The following UTS2 variants were observed in gnomAD, a reference collection of about 807,000 sequenced individuals.
The protein encoded by UTS2 is urotensin-2.
UTS2 carries 10 observed loss-of-function variants against 12.6 expected under a neutral mutation model. That is an observed-to-expected ratio of 0.80 (90% confidence interval 0.49 to 1.35). The LOEUF is 1.35. Ranked by LOEUF, UTS2 falls within the 40% of genes most tolerant of loss-of-function variation. The pLI is 0.00. For synonymous variants in UTS2, 52 were observed against 50.0 expected, an observed-to-expected ratio of 1.04 and a Z score of -0.17; for missense variants, 142 against 143.2, an observed-to-expected ratio of 0.99 and a Z score of 0.04.
At chr1:7,877,072 T>A in the UTS2 span, among the ~76,000 whole-genome samples, 1,475 of 140,562 alleles carry the variant, frequency 0.01, 25 homozygotes, top group African/African-American at 0.036. Flanking sequence ...AGGGTTGCTG[T>A]GAGCTGAGAT....
chr1:7,859,678 A>G, the UTS2 span, among the ~76,000 whole-genome samples: 1 of 152,206 alleles, frequency 6.6e-6, no homozygotes, highest in Non-Finnish European at 1.5e-5. Context: ...ACGTGACCAT[A>G]TCGAGGAATT....
At chr1:7,905,562 G>C in the UTS2 span, among the ~76,000 whole-genome samples, 1 of 152,116 alleles carries the variant, frequency 6.6e-6, no homozygotes, top group East Asian at 1.9e-4. Context: ...GAATAAAGCA[G>C]ATGGCCCTCC....
At chr1:7,903,315 C>G in the UTS2 span, among the ~76,000 whole-genome samples, 2 of 24,540 alleles carry the variant, frequency 8.1e-5, no homozygotes, top group Non-Finnish European at 1.6e-4. Flanking sequence ...TCCTTCCCCT[C>G]CTTCTCCTGC....
the UTS2 span, among the ~76,000 whole-genome samples, chr1:7,907,178 CCTGGG>C: frequency 6.6e-6 from 1 of 152,118 alleles, no homozygotes; most frequent in East Asian, 1.9e-4. Flanking sequence ...ATTGCTTGAA[CCTGGG>C]AGGTGGAGAC....
the UTS2 span, among the ~76,000 whole-genome samples, chr1:7,866,798 C>T: frequency 6.6e-6 from 1 of 152,136 alleles, no homozygotes; most frequent in Non-Finnish European, 1.5e-5. This position sits in a 1 kb window ranked among gnomAD's most constrained non-coding sequence, Gnocchi z 4.5. Flanking sequence ...CATTTCATCC[C>T]CAGGGCTGAC....
chr1:7,875,011 T>C, the UTS2 span, among the ~76,000 whole-genome samples: 2 of 152,158 alleles, frequency 1.3e-5, no homozygotes, highest in Non-Finnish European at 2.9e-5. Flanking sequence ...TTAAACTTCT[T>C]TCTTTTGTAA....
At chr1:7,860,729 C>T in the UTS2 span, among the ~76,000 whole-genome samples, 1 of 151,784 alleles carries the variant, frequency 6.6e-6, no homozygotes, top group Non-Finnish European at 1.5e-5. Context: ...CCACCATGGT[C>T]GGACTAAATT....
At chr1:7,861,314 G>A in the UTS2 span, among the ~76,000 whole-genome samples, 1 of 152,152 alleles carries the variant, frequency 6.6e-6, no homozygotes, top group Non-Finnish European at 1.5e-5. Context: ...CCCTGGGAGA[G>A]AGGTCAAGAA....
chr1:7,876,212 G>T, the UTS2 span, among the ~76,000 whole-genome samples: 96,948 of 151,902 alleles, frequency 0.64, 31,158 homozygotes, highest in East Asian at 0.74. Context: ...GTCTGGGCCC[G>T]GGGGATCAAC....
chr1:7,878,351 A>T, the UTS2 span, among the ~76,000 whole-genome samples: 1 of 152,232 alleles, frequency 6.6e-6, no homozygotes, highest in Non-Finnish European at 1.5e-5. Flanking sequence ...TATAAAACTC[A>T]CTGGTAGAGC....
rs150335452 is a variant in UTS2, at chr1:7,852,553, C to T, written c.103+348G>A. Among the ~76,000 whole-genome samples, 589 of 152,136 alleles carry T rather than the reference C, an allele frequency of 3.9e-3. 8 individuals carry two copies. The highest frequency in any genetic ancestry group is 0.014 in the African/African-American group (567 of 41,538). On this transcript the variant is annotated intron_variant, in intron 1 of 3. Coordinates refer to ENST00000361696, the MANE Select transcript of UTS2 (RefSeq NM_006786.4). ...TTAGAACAACCAGTGCTACATTCAA[C>T]CAGTTCATTTAAAGTAAAAACTAAA...
chr1:7,907,527 T>C, the UTS2 span, among the ~76,000 whole-genome samples: 2 of 151,670 alleles, frequency 1.3e-5, no homozygotes, highest in Non-Finnish European at 2.9e-5. Context: ...ATTTAAAAAT[T>C]AGAAGTCGTA....
chr1:7,862,720 G>A, the UTS2 span, among the ~76,000 whole-genome samples: 157 of 152,140 alleles, frequency 1.0e-3, no homozygotes, highest in African/African-American at 3.6e-3. Flanking sequence ...TGAATGCCCC[G>A]CACCCCAGGG....
In UTS2 at chr1:7,849,682, G is replaced by T; in HGVS notation, c.216C>A (p.Asp72Glu). ...TTGGGTTAAAAATGTTGGTACTTGA[G>T]TCTGAAAAACAGTTTTGAAGCCAGT... ...AERGDILRKA[D>E]SSTNIFNPRG... Residue 72 changes from aspartate (D) to glutamate (E), a missense_variant and splice_region_variant, in exon 3 of 4, where the codon GAC (aspartate) becomes GAA (glutamate). Asp to Glu is a conservative substitution (Grantham distance 45, BLOSUM62 2). Transcript: ENST00000361696. 1 of 1,608,988 alleles carries T rather than the reference G, an allele frequency of 6.2e-7. No homozygotes were observed. Among genetic ancestry groups the T allele is most frequent in the Admixed American group, 1.7e-5 (1 of 57,782 alleles).
chr1:7,898,962 G>C, the UTS2 span, among the ~76,000 whole-genome samples: 1 of 152,116 alleles, frequency 6.6e-6, no homozygotes, highest in South Asian at 2.1e-4. Flanking sequence ...AGGTTGAATT[G>C]GCTCGAGGTT....
the UTS2 span, among the ~76,000 whole-genome samples, chr1:7,869,875 T>C: frequency 3.7e-4 from 57 of 152,236 alleles, no homozygotes; most frequent in Non-Finnish European, 6.6e-4. Context: ...CCAGCATTTT[T>C]CTCATATCAC....
chr1:7,885,525 G>A, the UTS2 span, among the ~76,000 whole-genome samples: 1 of 152,108 alleles, frequency 6.6e-6, no homozygotes, highest in African/African-American at 2.4e-5. Flanking sequence ...GTTACCTCCA[G>A]CACAACCCAC....
chr1:7,867,480 C>T, the UTS2 span, among the ~76,000 whole-genome samples: 7,746 of 152,120 alleles, frequency 0.051, 601 homozygotes, highest in African/African-American at 0.17. Flanking sequence ...CACATGCACA[C>T]GGAGAAAGGA....
the UTS2 span, among the ~76,000 whole-genome samples, chr1:7,909,082 T>C: frequency 6.6e-6 from 1 of 151,956 alleles, no homozygotes; most frequent in African/African-American, 2.4e-5. Flanking sequence ...TGAGCCACCA[T>C]GCCTGGCCTC....
Sources: allele counts gnomAD v4.1 joint callset (sites outside exome capture counted in the v4.1 genomes callset), GRCh38; gene constraint gnomAD v4.1.1; non-coding constraint Gnocchi (gnomAD v3.1); transcripts MANE v1.5; gene names NCBI Gene and HGNC (gene_info 2026-07-23, HGNC 2026-07-21).